The following TSPEAR variants were observed in gnomAD, a reference collection of about 807,000 sequenced individuals.
TSPEAR encodes the protein thrombospondin-type laminin G domain and EAR repeat-containing protein.
TSPEAR carries 69 observed loss-of-function variants against 71.6 expected under a neutral mutation model. That is an observed-to-expected ratio of 0.96 (90% CI 0.79 to 1.18). The LOEUF (loss-of-function observed/expected upper bound fraction) is 1.18, where lower values mean the gene tolerates loss of function less well. TSPEAR is among the 50% of genes most tolerant of loss of function. The pLI is 0.00. For synonymous variants in TSPEAR, 402 were observed against 387.2 expected (o/e 1.04, Z -0.45); for missense variants, 971 against 894.9 (o/e 1.09, Z -1.09).
chr21:44,667,112 A>T (rs1985826836), intron 1 of TSPEAR, among the ~76,000 whole-genome samples: 1 of 151,572 alleles, frequency 6.6e-6, no homozygotes, highest in Admixed American at 6.6e-5. Flanking sequence ...CCTTCTTCGA[A>T]CTCTTGGTAT....
intron 1 of TSPEAR, among the ~76,000 whole-genome samples, chr21:44,616,750 C>T (rs141304186): frequency 2.1e-4 from 32 of 152,392 alleles, no homozygotes; most frequent in Admixed American, 4.6e-4. Flanking sequence ...GCGCAGGCAG[C>T]GCACGGACAG....
chr21:44,631,181 C>A (rs1983235271), intron 1 of TSPEAR, among the ~76,000 whole-genome samples: 1 of 151,886 alleles, frequency 6.6e-6, no homozygotes, highest in Non-Finnish European at 1.5e-5. Context: ...ACTCAAAGAG[C>A]TAAAGGAAAC....
chr21:44,711,304 C>T lies in TSPEAR; in HGVS notation c.82+129G>A. The T allele has an allele frequency of 2.5e-6, 2 of 809,374 alleles. No individual in the cohort carries two copies. Among genetic ancestry groups the T allele is most frequent in the Non-Finnish European group, 4.0e-6 (2 of 501,468 alleles). The allele number at this position is 809,374 out of a possible 1,614,324, so 50.1% of individuals were successfully genotyped here. A position where few individuals can be genotyped will look rare whatever the true frequency, so the allele number is the denominator to read the frequency against. ...GCCCATCTCCACAGGGTGCTACCTG[C>T]CAGTCCTGCCAAAGCGTCCTCGGGC... On this transcript the variant is annotated intron_variant, in intron 1 of 11. Transcript: ENST00000323084. The surrounding 1 kb of genome is among the most constrained non-coding windows in gnomAD (Gnocchi z 4.5).
intron 1 of TSPEAR, chr21:44,600,489 T>G: frequency 9.1e-7 from 1 of 1,095,198 alleles, no homozygotes; most frequent in Non-Finnish European, 1.3e-6. Context: ...CAGGAGTTGT[T>G]GACACTCCAG....
At chr21:44,660,698 G>A (rs1985437724) in intron 1 of TSPEAR, among the ~76,000 whole-genome samples, 1 of 152,212 alleles carries the variant, frequency 6.6e-6, no homozygotes, top group African/African-American at 2.4e-5. Context: ...TGGGTGCCGT[G>A]ATTCATGTCT....
At chr21:44,582,752 A>G (rs1048267048) in intron 1 of TSPEAR, among the ~76,000 whole-genome samples, 13 of 152,160 alleles carry the variant, frequency 8.5e-5, no homozygotes, top group African/African-American at 3.1e-4. Context: ...GGGGGCCACC[A>G]TGGCAGTTTC....
intron 1 of TSPEAR, among the ~76,000 whole-genome samples, chr21:44,577,893 T>C (rs1300066057): frequency 3.3e-5 from 5 of 152,222 alleles, no homozygotes; most frequent in African/African-American, 9.7e-5. Flanking sequence ...AATTCTCACA[T>C]GTTGTGGGAG....
At chr21:44,702,825 C>G in intron 1 of TSPEAR, 4 of 1,093,736 alleles carry the variant, frequency 3.7e-6, no homozygotes, top group Non-Finnish European at 4.1e-6. Context: ...CAGGGCCAGC[C>G]AGGCTCAGGT....
intron 2 of TSPEAR, among the ~76,000 whole-genome samples, chr21:44,565,560 A>G (rs1362347046): frequency 2.0e-5 from 3 of 152,238 alleles, no homozygotes; most frequent in Non-Finnish European, 4.4e-5. Flanking sequence ...GATTGGTTTA[A>G]TATCTAAAAA....
intron 1 of TSPEAR, among the ~76,000 whole-genome samples, chr21:44,594,320 A>C (rs1281876115): frequency 6.6e-6 from 1 of 152,214 alleles, no homozygotes; most frequent in Non-Finnish European, 1.5e-5. Flanking sequence ...GTAACCTTAT[A>C]AGGGGATAAT....
At chr21:44,654,718 C>T (rs1985033895) in intron 1 of TSPEAR, 3 of 737,938 alleles carry the variant, frequency 4.1e-6, no homozygotes. Context: ...GGCAACAAGC[C>T]CCCTGGCATC....
At chr21:44,668,769 T>C (rs2146278326) in intron 1 of TSPEAR, among the ~76,000 whole-genome samples, 1 of 152,212 alleles carries the variant, frequency 6.6e-6, no homozygotes, top group East Asian at 1.9e-4. Flanking sequence ...GGCAAGGCTG[T>C]CAAGACCTTT....
At chr21:44,601,561 C>T (rs1555928805) in intron 1 of TSPEAR, 22 of 1,613,602 alleles carry the variant, frequency 1.4e-5, no homozygotes, top group South Asian at 8.8e-5. Context: ...CCTCCTCTGC[C>T]GCCCCGTGTG....
intron 1 of TSPEAR, chr21:44,575,184 G>A (rs1555923776): frequency 1.3e-6 from 1 of 771,828 alleles, no homozygotes; most frequent in Non-Finnish European, 2.1e-6. Flanking sequence ...CAGCCCTCTT[G>A]CGGGGGGAGG....
At chr21:44,688,082 A>T (rs1268208784) in intron 1 of TSPEAR, among the ~76,000 whole-genome samples, 1 of 152,184 alleles carries the variant, frequency 6.6e-6, no homozygotes, top group Non-Finnish European at 1.5e-5. Context: ...ATGAAAATAA[A>T]GATAGTTTTT....
chr21:44,547,488 A>C (rs989507595), intron 2 of TSPEAR, among the ~76,000 whole-genome samples: 1 of 152,012 alleles, frequency 6.6e-6, no homozygotes, highest in Non-Finnish European at 1.5e-5. Context: ...TTACAATGGG[A>C]TATTTCTGGG....
intron 2 of TSPEAR, chr21:44,558,633 T>C: frequency 1.2e-6 from 2 of 1,612,724 alleles, no homozygotes; most frequent in Non-Finnish European, 1.7e-6. Context: ...GCAGGGGGGC[T>C]CACAGCAGCT....
intron 1 of TSPEAR, among the ~76,000 whole-genome samples, chr21:44,683,209 GTTGT>G (rs1489037771): frequency 1.3e-5 from 2 of 152,000 alleles, no homozygotes; most frequent in Non-Finnish European, 2.9e-5. Flanking sequence ...AGTGTTCCAA[GTTGT>G]AGATGCTTCC....
chr21:44,661,731 G>T (rs1042056076), intron 1 of TSPEAR, among the ~76,000 whole-genome samples: 1 of 152,174 alleles, frequency 6.6e-6, no homozygotes, highest in South Asian at 2.1e-4. Flanking sequence ...GGGGGAGCAG[G>T]CACATCACGT....
Sources: gnomAD v4.1 joint callset for allele counts (sites outside exome capture counted in the v4.1 genomes callset) on GRCh38, gnomAD v4.1.1 for gene constraint, Gnocchi (gnomAD v3.1) non-coding constraint, MANE v1.5 for transcripts, NCBI Gene and HGNC (gene_info 2026-07-23, HGNC 2026-07-21) for gene names.